SPC25: variants seen among roughly 807,000 people sequenced by gnomAD.
SPC25 encodes the protein SPC25 component of NDC80 kinetochore complex.
Under a neutral mutation model 29.6 loss-of-function variants are expected in SPC25, and 22 were observed. The ratio of observed to expected loss-of-function variants is 0.74; its 90% confidence interval spans 0.53 to 1.06. The LOEUF is 1.06. Among genes scored for constraint, SPC25 ranks in the 50% least tolerant of loss-of-function variants. SPC25 has a pLI of 0.00. For missense variants in SPC25, 230 were observed against 255.8 expected, an observed-to-expected ratio of 0.90 and a Z score of 0.69; for synonymous variants, 91 against 90.4, an observed-to-expected ratio of 1.01 and a Z score of -0.04.
downstream of SPC25, among the ~76,000 whole-genome samples, chr2:168,869,120 A>C (rs1240334156): frequency 1.3e-5 from 2 of 152,230 alleles, no homozygotes; most frequent in African/African-American, 2.4e-5. Context: ...TAATTATCTC[A>C]ATAGATGCGG....
At chr2:168,864,977 ACT>A (rs780450733) in intron 4 of SPC25, 1 of 1,613,710 alleles carries the variant, frequency 6.2e-7, no homozygotes, top group African/African-American at 1.3e-5. Flanking sequence ...ATAAAACAAG[ACT>A]CTGAACATAC....
chr2:168,876,149 G>A lies in SPC25; in HGVS notation c.374C>T (p.Ala125Val). ...ETISTANKAN[A>V]ERLKRLQKSA... ...TTTCTGCAGCCTTTTCAACCTCTCT[G>A]CATTCGCTTTATTAGCAGTAGAAAT... Residue 125 changes from alanine to valine, a missense_variant, in exon 5 of 7, where the codon GCA becomes GTA. Physicochemically the swap from Ala to Val is moderately conservative, Grantham distance 64. Coordinates refer to ENST00000282074, the MANE Select transcript of SPC25 (RefSeq NM_020675.4). 6.4e-7 allele frequency: 1 copy of A among 1,569,678 alleles called. No individual in the cohort carries two copies. The highest frequency in any genetic ancestry group is 1.2e-5 in the South Asian group (1 of 82,098).
intron 4 of SPC25, 114 bp from the exon 5 acceptor site, chr2:168,876,290 C>G (rs756297105): frequency 8.5e-5 from 64 of 757,066 alleles, no homozygotes; most frequent in Non-Finnish European, 1.2e-4. Flanking sequence ...GCCTATAAAT[C>G]TGCTTCCATT....
At chr2:168,876,429 G>A (rs1690088309) in intron 4 of SPC25, among the ~76,000 whole-genome samples, 1 of 151,986 alleles carries the variant, frequency 6.6e-6, no homozygotes, top group Non-Finnish European at 1.5e-5. Context: ...TTATGTAGTA[G>A]CATAAGTAAA....
In SPC25 at chr2:168,873,681, C is replaced by T. The variant is rs763346498; in HGVS notation, c.454G>A (p.Glu152Lys). 9.4e-6 allele frequency: 15 copies of T among 1,603,466 alleles called. No homozygotes were observed. Among genetic ancestry groups the T allele is most frequent in the East Asian group, 2.2e-5 (1 of 44,646 alleles). Reference sequence around the variant, plus strand: ...TTAGTGAAAATAAACTGCAATTTCTCACCTGAAAAGAGATTAAACTATTTA... The same window carrying T: ...TTAGTGAAAATAAACTGCAATTTCTTACCTGAAAAGAGATTAAACTATTTA... ...LGLEIRKIYG[E>K]KLQFIFTNID... The change falls in exon 6 of 7, where the codon GAG becomes AAG. Residue 152 changes from glutamate to lysine, a missense_variant and splice_region_variant. Glu to Lys is a moderately conservative substitution (Grantham distance 56). Transcript: ENST00000282074.
chr2:168,863,749 T>TGAGAC, intron 4 of SPC25: 1 of 724,484 alleles, frequency 1.4e-6, no homozygotes, highest in Non-Finnish European at 1.7e-6. Flanking sequence ...AGACTGTTGG[T>TGAGAC]GAGACATACT....
chr2:168,874,543 T>A (rs1194557941), intron 5 of SPC25, among the ~76,000 whole-genome samples: 1 of 152,100 alleles, frequency 6.6e-6, no homozygotes, highest in African/African-American at 2.4e-5. Context: ...AGCCATAAAA[T>A]GGAATGAACT....
At chr2:168,890,282 G>C (rs1486914808) in intron 1 of SPC25, 36 bp downstream of exon 1, 1 of 953,184 alleles carries the variant, frequency 1.0e-6, no homozygotes, top group Non-Finnish European at 1.2e-6. Flanking sequence ...GCGACAGGGG[G>C]GCCAAGGAGC....
intron 5 of SPC25, among the ~76,000 whole-genome samples, chr2:168,875,359 T>C (rs2105825213): frequency 6.6e-6 from 1 of 152,252 alleles, no homozygotes; most frequent in East Asian, 1.9e-4. Context: ...AGTCAAAAAA[T>C]TGTAAGTTGA....
chr2:168,888,990 T>TAC, intron 3 of SPC25, among the ~76,000 whole-genome samples: 1 of 119,024 alleles, frequency 8.4e-6, no homozygotes. Flanking sequence ...CACATATATA[T>TAC]GTATATATAT....
downstream of SPC25, among the ~76,000 whole-genome samples, chr2:168,868,691 C>A (rs894745004): frequency 5.3e-5 from 8 of 152,108 alleles, no homozygotes; most frequent in African/African-American, 7.2e-5. Flanking sequence ...CAATAACAGG[C>A]TCTGAAATTG....
At chr2:168,887,009 T>G (rs961430853) in intron 3 of SPC25, among the ~76,000 whole-genome samples, 2 of 152,206 alleles carry the variant, frequency 1.3e-5, no homozygotes, top group Admixed American at 1.3e-4. Context: ...GAACCCAAAC[T>G]CAATATCACT....
At chr2:168,888,799 A>T (rs557331173) in intron 3 of SPC25, among the ~76,000 whole-genome samples, 184 of 145,870 alleles carry the variant, frequency 1.3e-3, no homozygotes, top group African/African-American at 4.3e-3. Flanking sequence ...TTTTTTTTTT[A>T]AATCTTTTGT....
At position 168,871,545 on chromosome 2, in the gene SPC25, A is replaced by C; in HGVS notation, c.561T>G (p.Ser187Arg). 6.5e-7 allele frequency: 1 copy of C among 1,532,294 alleles called. No individual in the cohort carries two copies. 94.9% of individuals were successfully genotyped at this position (1,532,294 alleles called of 1,614,324 possible). The change falls in exon 7 of 7, where the codon AGT becomes AGG. Residue 187 changes from serine to arginine, a missense_variant. Transcript: ENST00000282074. ...NEARDYEVSDSAPHLEGLAEF... is the reference protein window; with the variant it reads ...NEARDYEVSDRAPHLEGLAEF... The stretch of plus-strand genomic sequence containing the variant: ...CTGCTAGGCCCTCAAGATGAGGGGC[A>C]CTATCTGACACTAGAAAAAAAAAAA...
intron 3 of SPC25, 124 bp downstream of exon 3, chr2:168,889,102 T>TAC: frequency 1.9e-6 from 1 of 531,166 alleles, no homozygotes; most frequent in African/African-American, 2.0e-5. Flanking sequence ...CACATATATA[T>TAC]ATACACACAC....
Position 168,877,361 on chromosome 2 carries a change from T to A in SPC25, c.223A>T (p.Ile75Phe), listed in dbSNP as rs769320232. ...AACAAGTTATCCTTTTTTTCTTGAA[T>A]GAGCTTATTTTGCCTGCTGATCTCT... ...QNQISRQNKL[I>F]QEKKDNLLKL... Residue 75 changes from isoleucine to phenylalanine, a missense_variant, in exon 4 of 7, where the codon ATT (isoleucine) becomes TTT (phenylalanine). Ile to Phe is a conservative substitution (Grantham distance 21). Coordinates refer to ENST00000282074, the MANE Select transcript of SPC25 (RefSeq NM_020675.4). 6.2e-7 allele frequency: 1 copy of A among 1,613,768 alleles called. No individual in the cohort carries two copies. The highest frequency in any genetic ancestry group is 8.5e-7 in the Non-Finnish European group (1 of 1,179,830).
intron 3 of SPC25, among the ~76,000 whole-genome samples, chr2:168,886,125 C>T (rs1189140978): frequency 7.0e-6 from 1 of 143,388 alleles, no homozygotes; most frequent in Admixed American, 7.4e-5. Flanking sequence ...ATGATCACGG[C>T]TCACTGTAAC....
At chr2:168,889,315 A>C (rs1221271616) in intron 2 of SPC25, 24 bp from the exon 3 acceptor site, 1 of 1,613,656 alleles carries the variant, frequency 6.2e-7, no homozygotes, top group Admixed American at 1.7e-5. Context: ...TGAACTTTCA[A>C]TTCAGCTGCA....
chr2:168,870,120 T>C (rs1251332889), downstream of SPC25, among the ~76,000 whole-genome samples: 2 of 151,762 alleles, frequency 1.3e-5, no homozygotes, highest in Non-Finnish European at 1.5e-5. Flanking sequence ...GATTCCCTAT[T>C]TAATAAATGG....
Sources: gnomAD v4.1 joint callset for allele counts (sites outside exome capture counted in the v4.1 genomes callset) on GRCh38, gnomAD v4.1.1 for gene constraint, MANE v1.5 for transcripts, NCBI Gene and HGNC (gene_info 2026-07-23, HGNC 2026-07-21) for gene names.